FREM2: variants seen among roughly 807,000 people sequenced by gnomAD.
The protein encoded by FREM2 is FRAS1-related extracellular matrix protein 2.
In FREM2, 119 loss-of-function variants were observed where a neutral mutation model predicts 219.9. The observed-to-expected ratio is 0.54, with a 90% CI of 0.47 to 0.63. The LOEUF (loss-of-function observed/expected upper bound fraction) is 0.63, where lower values mean the gene tolerates loss of function less well. FREM2 is among the 30% of genes least tolerant of loss of function. The probability of loss-of-function intolerance (pLI) is 0.00; values close to 1 mark genes in which losing one functional copy is unlikely to be tolerated. For synonymous variants in FREM2, 1,562 were observed against 1,522.8 expected, an observed-to-expected ratio of 1.03 and a Z score of -0.60; for missense variants, 4,030 against 3,993.6, an observed-to-expected ratio of 1.01 and a Z score of -0.25.
chr13:38,862,227 C>T (rs866635096), intron 15 of FREM2, among the ~76,000 whole-genome samples: 56 of 152,134 alleles, frequency 3.7e-4, no homozygotes, highest in African/African-American at 4.1e-4. Context: ...AGAGGAAATA[C>T]GATTAGGAGC....
chr13:38,803,752 A>G (rs1235986547), intron 6 of FREM2, among the ~76,000 whole-genome samples: 1 of 149,372 alleles, frequency 6.7e-6, no homozygotes, highest in Non-Finnish European at 1.5e-5. Flanking sequence ...ACCATACTAG[A>G]TATAAGCCAG....
At chr13:38,721,963 C>T (rs973104238) in intron 2 of FREM2, among the ~76,000 whole-genome samples, 6 of 152,058 alleles carry the variant, frequency 3.9e-5, no homozygotes, top group Non-Finnish European at 7.4e-5. Context: ...TTTCAAAGCC[C>T]AAGACAGCCC....
chr13:38,710,996 G>A (rs1238270807), intron 2 of FREM2, among the ~76,000 whole-genome samples: 2 of 152,138 alleles, frequency 1.3e-5, no homozygotes. Context: ...ACACCCCTAG[G>A]TATGTTTCTA....
intron 2 of FREM2, among the ~76,000 whole-genome samples, chr13:38,713,253 A>G (rs1244716484): frequency 6.6e-6 from 1 of 152,188 alleles, no homozygotes; most frequent in African/African-American, 2.4e-5. Context: ...AATTGGTCTA[A>G]TGCTCAGCTT....
At position 38,690,051 on chromosome 13, in the gene FREM2, G is replaced by A; in HGVS notation, c.2707G>A (p.Ala903Thr). Residue 903 changes from alanine to threonine, a missense_variant, in exon 1 of 24, where the codon GCC becomes ACC. Ala to Thr is a moderately conservative substitution (Grantham distance 58). Transcript: ENST00000280481. ...EDIKQGRVSY[A>T]HNGDKSLTDS... is the part of the protein sequence containing the mutation. The stretch of plus-strand genomic sequence containing the variant: ...CATAAAACAGGGCCGAGTTTCCTAT[G>A]CCCATAATGGGGACAAGTCCCTGAC... The A allele has an allele frequency of 6.2e-7, 1 of 1,613,900 alleles. No homozygotes were observed. The highest frequency in any genetic ancestry group is 8.5e-7 in the Non-Finnish European group (1 of 1,180,020).
chr13:38,815,602 A>T (rs1263404648), intron 6 of FREM2, among the ~76,000 whole-genome samples: 1 of 152,198 alleles, frequency 6.6e-6, no homozygotes, highest in Non-Finnish European at 1.5e-5. Flanking sequence ...TCCATTTGAG[A>T]TTACCCGAGG....
intron 3 of FREM2, among the ~76,000 whole-genome samples, chr13:38,767,119 C>T (rs775132669): frequency 6.6e-6 from 1 of 152,176 alleles, no homozygotes; most frequent in Non-Finnish European, 1.5e-5. Context: ...TTAATCACTG[C>T]ACCATAGTGC....
At position 38,687,966 on chromosome 13, in the gene FREM2, G is replaced by T. The variant is rs778445779; in HGVS notation, c.622G>T (p.Ala208Ser). Residue 208 changes from alanine (A) to serine (S), a missense_variant, in exon 1 of 24, where the codon GCC (alanine) becomes TCC (serine). By Grantham distance (99) the Ala-to-Ser change is moderately conservative. Transcript: ENST00000280481. ...NALDARSLEF[A>S]FQPETEECRV... is the part of the protein sequence containing the mutation. ...CCTGGACGCGCGGAGCCTGGAGTTC[G>T]CCTTCCAGCCCGAGACAGAGGAGTG... 1 of 1,611,618 alleles carries T rather than the reference G, an allele frequency of 6.2e-7. No homozygotes were observed. The highest frequency in any genetic ancestry group is 2.2e-5 in the East Asian group (1 of 44,768).
Position 38,861,419 on chromosome 13 carries a change from T to TC in FREM2, c.7520-12_7520-11insC. 1 of 1,613,384 alleles carries TC rather than the reference T, an allele frequency of 6.2e-7. No individual in the cohort carries two copies. Among genetic ancestry groups the TC allele is most frequent in the South Asian group, 1.1e-5 (1 of 91,066 alleles). ...TTCTTTTCGCATAAATATGGTCTTTTTTTTTTTCAAGGTCTTTGTCAGCCC... is the reference window on the plus strand; with the variant it reads ...TTCTTTTCGCATAAATATGGTCTTTTCTTTTTTTCAAGGTCTTTGTCAGCCC... On this transcript the variant is annotated splice_polypyrimidine_tract_variant and intron_variant, in intron 14 of 23. Transcript: ENST00000280481.
Position 38,880,704 on chromosome 13 carries a change from G to A in FREM2, c.9427G>A (p.Gly3143Arg), listed in dbSNP as rs1424371843. Residue 3143 changes from glycine to arginine, a missense_variant, in exon 24 of 24, where the codon GGG becomes AGG. Around this residue, in one of 2 missense-constraint regions of FREM2, gnomAD observed 928 missense variants for 1,042.9 expected, o/e 0.89. Transcript: ENST00000280481. ...LMCRGKESFR[G>R]KDAPKGSSSS... Reference sequence around the variant, plus strand: ...GTGCAGGGGCAAGGAAAGTTTCAGGGGGAAGGATGCCCCGAAAGGCTCCAG... The same window carrying A: ...GTGCAGGGGCAAGGAAAGTTTCAGGAGGAAGGATGCCCCGAAAGGCTCCAG... The A allele has an allele frequency of 1.2e-6, 2 of 1,614,192 alleles. No homozygotes were observed. The highest frequency in any genetic ancestry group is 1.3e-5 in the African/African-American group (1 of 75,066).
Position 38,859,521 on chromosome 13 carries a change from G to T in FREM2, c.7450G>T (p.Ala2484Ser). ...CTCCCGGGTACAGTGCGCAGCTCGT[G>T]CTGTGAACACCAATGGGGATGAAGG... The part of the protein sequence containing the change: ...PGSRVQCAAR[A>S]VNTNGDEGLE... The change falls in exon 14 of 24, where the codon GCT becomes TCT. Residue 2484 changes from alanine to serine, a missense_variant. Transcript: ENST00000280481. 1 of 1,614,058 alleles carries T rather than the reference G, an allele frequency of 6.2e-7. No individual in the cohort carries two copies. Among genetic ancestry groups the T allele is most frequent in the South Asian group, 1.1e-5 (1 of 91,070 alleles).
At chr13:38,779,235 A>AG (rs1874009906) in intron 4 of FREM2, among the ~76,000 whole-genome samples, 1 of 151,112 alleles carries the variant, frequency 6.6e-6, no homozygotes, top group African/African-American at 2.4e-5. Flanking sequence ...CGGGGGGTGG[A>AG]GGGAAAGGGG....
intron 2 of FREM2, among the ~76,000 whole-genome samples, chr13:38,727,544 A>G (rs1871581169): frequency 3.3e-5 from 5 of 152,256 alleles, no homozygotes; most frequent in Admixed American, 3.3e-4. Flanking sequence ...ATGTATTTCA[A>G]AATTTTTATT....
chr13:38,881,579 G>A lies in FREM2; in HGVS notation c.*792G>A, dbSNP rs1347287957. On this transcript the variant is annotated 3_prime_UTR_variant, in exon 24 of 24. Transcript: ENST00000280481. ...ACCTTATTGGTGCTCAACATTTGTG[G>A]GAAATTAGAGGGTTGGTGAGATTTT... 3.3e-5 allele frequency: 5 copies of A among 152,774 alleles called. No homozygotes were observed. Among genetic ancestry groups the A allele is most frequent in the Non-Finnish European group, 7.3e-5 (5 of 68,100 alleles). The allele number at this position is 152,774 out of a possible 1,614,324, so 9.5% of individuals were successfully genotyped here. A position where few individuals can be genotyped will look rare whatever the true frequency, so the allele number is the denominator to read the frequency against.
intron 11 of FREM2, among the ~76,000 whole-genome samples, chr13:38,852,778 C>T (rs1394590709): frequency 1.3e-5 from 2 of 150,308 alleles, no homozygotes; most frequent in African/African-American, 2.4e-5. Context: ...AATCACAGCT[C>T]ACTGCAGTCT....
chr13:38,779,663 G>T (rs1331623073), intron 4 of FREM2: 2 of 152,118 alleles, frequency 1.3e-5, no homozygotes, highest in Non-Finnish European at 1.5e-5. Context: ...AAATGCCTAT[G>T]CCCGGTGTCA....
intron 7 of FREM2, 103 bp from the exon 8 acceptor site, chr13:38,848,357 AT>A (rs1877239137): frequency 6.8e-6 from 6 of 879,816 alleles, no homozygotes; most frequent in Non-Finnish European, 9.4e-6. Context: ...GCTGGTCTCT[AT>A]TTTTTAAAAG....
intron 2 of FREM2, among the ~76,000 whole-genome samples, chr13:38,713,500 C>G (rs1013552843): frequency 2.0e-5 from 3 of 152,104 alleles, no homozygotes; most frequent in Non-Finnish European, 2.9e-5. Flanking sequence ...GATTTTCTTG[C>G]TTTATCTACT....
chr13:38,808,061 C>T (rs9576619), intron 6 of FREM2, among the ~76,000 whole-genome samples: 23,606 of 151,896 alleles, frequency 0.16, 2,282 homozygotes, highest in East Asian at 0.31. Context: ...GGATAACTTG[C>T]TACAGCTTCT....
Sources: allele counts gnomAD v4.1 joint callset (sites outside exome capture counted in the v4.1 genomes callset), GRCh38; gene constraint gnomAD v4.1.1; regional missense constraint gnomAD v4.1.1; transcripts MANE v1.5; gene names NCBI Gene and HGNC (gene_info 2026-07-23, HGNC 2026-07-21).